Variants in ADCY2 observed in about 807,000 individuals in gnomAD.
ADCY2 encodes adenylate cyclase 2.
Under a neutral mutation model 125.2 loss-of-function variants are expected in ADCY2, and 31 were observed. The ratio of observed to expected loss-of-function variants is 0.25; its 90% CI spans 0.19 to 0.33. The LOEUF (loss-of-function observed/expected upper bound fraction) is 0.33. ADCY2 is among the 10% of genes least tolerant of loss of function. The pLI is 1.00. For synonymous variants in ADCY2, 512 were observed against 548.4 expected (o/e 0.93, Z 0.93); for missense variants, 904 against 1,418.2 (o/e 0.64, Z 5.82).
intron 3 of ADCY2, among the ~76,000 whole-genome samples, chr5:7,621,704 A>G (rs1215211347): frequency 6.6e-6 from 1 of 152,216 alleles, no homozygotes; most frequent in Non-Finnish European, 1.5e-5. Context: ...TTATGAAAGG[A>G]GCAAAATAAT....
intron 3 of ADCY2, among the ~76,000 whole-genome samples, chr5:7,540,762 T>C (rs1326431152): frequency 1.3e-5 from 2 of 152,200 alleles, no homozygotes; most frequent in African/African-American, 4.8e-5. Context: ...ATAAGACTGC[T>C]CTTTATTTCA....
At position 7,755,417 on chromosome 5, in the gene ADCY2, A is replaced by C. The variant is rs562670177; in HGVS notation, c.1957-2032A>C. 1.7e-4 allele frequency among the ~76,000 whole-genome samples: 26 copies of C among 150,620 alleles called. 1 individual carries two copies. The highest frequency in any genetic ancestry group is 1.2e-3 in the Admixed American group (18 of 15,184). On this transcript the variant is annotated intron_variant, in intron 15 of 24. Transcript: ENST00000338316. Reference sequence around the variant, plus strand: ...GGAGCTGGAAGGAAGAAAAAAAAAAACATGGTGGAAAGGAGTAGAGAGGAG... The same window carrying C: ...GGAGCTGGAAGGAAGAAAAAAAAAACCATGGTGGAAAGGAGTAGAGAGGAG...
rs10590625 is a variant in ADCY2, at chr5:7,567,929, T to TTCTCTCTC, written c.570+47056_570+47063dup. 3.5e-3 allele frequency among the ~76,000 whole-genome samples: 506 copies of TTCTCTCTC among 146,564 alleles called. 2 individuals are homozygous for TTCTCTCTC. Among genetic ancestry groups the TTCTCTCTC allele is most frequent in the African/African-American group, 0.012 (482 of 40,126 alleles). On this transcript the variant is annotated intron_variant, in intron 3 of 24. Transcript: ENST00000338316. ...AACAAAGTGCTCTGTCGTCCTCTCTTTCTCTCTCTCTCTCTCTCTCTCTCT... is the reference window on the plus strand; with the variant it reads ...AACAAAGTGCTCTGTCGTCCTCTCTTTCTCTCTCTCTCTCTCTCTCTCTCTCTCTCTCT...
intron 2 of ADCY2, among the ~76,000 whole-genome samples, chr5:7,462,373 T>C (rs1262168652): frequency 6.6e-6 from 1 of 152,220 alleles, no homozygotes; most frequent in Non-Finnish European, 1.5e-5. Flanking sequence ...CGCCACTGAT[T>C]GATAATAACT....
At chr5:7,705,924 T>G (rs775680445) in intron 7 of ADCY2, among the ~76,000 whole-genome samples, 1 of 152,222 alleles carries the variant, frequency 6.6e-6, no homozygotes, top group Non-Finnish European at 1.5e-5. Flanking sequence ...GAGATGTTAA[T>G]GATTCATTTC....
intron 3 of ADCY2, among the ~76,000 whole-genome samples, chr5:7,571,266 C>T (rs1736057514): frequency 6.6e-6 from 1 of 152,036 alleles, no homozygotes; most frequent in African/African-American, 2.4e-5. Context: ...AGCCAGTGGT[C>T]CAATTTGGTC....
At chr5:7,676,157 C>A (rs1740120516) in intron 4 of ADCY2, among the ~76,000 whole-genome samples, 1 of 152,146 alleles carries the variant, frequency 6.6e-6, no homozygotes, top group Non-Finnish European at 1.5e-5. Flanking sequence ...ATCCAAGTTG[C>A]ATAAAAAGCC....
chr5:7,733,728 A>G (rs1742171733), intron 14 of ADCY2, among the ~76,000 whole-genome samples: 1 of 152,142 alleles, frequency 6.6e-6, no homozygotes, highest in Non-Finnish European at 1.5e-5. Context: ...AGCTCCCCCA[A>G]GTAGAGGGTA....
At chr5:7,666,668 C>A (rs186422642) in intron 4 of ADCY2, among the ~76,000 whole-genome samples, 1 of 152,296 alleles carries the variant, frequency 6.6e-6, no homozygotes, top group Admixed American at 6.5e-5. Context: ...GGGACTTCAG[C>A]CCCCATTATC....
chr5:7,474,047 A>G (rs933140666), intron 2 of ADCY2, among the ~76,000 whole-genome samples: 1 of 152,198 alleles, frequency 6.6e-6, no homozygotes, highest in South Asian at 2.1e-4. Context: ...ATTTTAGGCC[A>G]GTTCATTGCT....
At chr5:7,635,127 G>A (rs940289533) in intron 4 of ADCY2, among the ~76,000 whole-genome samples, 11 of 152,170 alleles carry the variant, frequency 7.2e-5, no homozygotes, top group African/African-American at 2.7e-4. Flanking sequence ...CAGACTACAC[G>A]CTGGGCCTTG....
At chr5:7,723,125 A>C (rs980390308) in intron 12 of ADCY2, among the ~76,000 whole-genome samples, 7 of 151,818 alleles carry the variant, frequency 4.6e-5, no homozygotes, top group African/African-American at 1.7e-4. Context: ...GAGGACAATG[A>C]CACACGCTGG....
At chr5:7,603,775 GCTCT>G (rs1331852647) in intron 3 of ADCY2, among the ~76,000 whole-genome samples, 25 of 59,180 alleles carry the variant, frequency 4.2e-4, no homozygotes, top group Non-Finnish European at 8.1e-4. Context: ...CTGGGGTAAT[GCTCT>G]CTTTCTTTTT....
chr5:7,825,306 G>A (rs149431450), intron 24 of ADCY2, among the ~76,000 whole-genome samples: 276 of 151,878 alleles, frequency 1.8e-3, no homozygotes, highest in Non-Finnish European at 3.0e-3. Flanking sequence ...GCTGCTGTGC[G>A]CCATAAAACT....
At chr5:7,506,325 T>C (rs1340492851) in intron 2 of ADCY2, among the ~76,000 whole-genome samples, 2 of 152,206 alleles carry the variant, frequency 1.3e-5, no homozygotes, top group Non-Finnish European at 2.9e-5. Context: ...TAGATGTTTT[T>C]ATATATAGGC....
rs1052346764 is a variant in ADCY2 at position 7,802,516 on chromosome 5, A to T, written c.2775+152A>T. 5 of 849,824 alleles carry T rather than the reference A, an allele frequency of 5.9e-6. No individual in the cohort carries two copies. Among genetic ancestry groups the T allele is most frequent in the Admixed American group, 3.1e-5 (1 of 31,850 alleles). 52.6% of individuals were successfully genotyped at this position (849,824 alleles called of 1,614,324 possible). A position where few individuals can be genotyped will look rare whatever the true frequency, so the allele number is the denominator to read the frequency against. ...GGCATTAAAGCCTTTTGCTTTATTTAGGTCTCTGACTAATTTAAGGTAGAC... is the reference window on the plus strand; with the variant it reads ...GGCATTAAAGCCTTTTGCTTTATTTTGGTCTCTGACTAATTTAAGGTAGAC... On this transcript the variant is annotated intron_variant, in intron 21 of 24. Coordinates refer to ENST00000338316, the MANE Select transcript of ADCY2 (RefSeq NM_020546.3). This position sits in a 1 kb window ranked among gnomAD's most constrained non-coding sequence, Gnocchi z 4.6.
intron 3 of ADCY2, among the ~76,000 whole-genome samples, chr5:7,570,728 T>A (rs1369170016): frequency 6.6e-6 from 1 of 152,160 alleles, no homozygotes; most frequent in African/African-American, 2.4e-5. Context: ...CCTTCAAGAA[T>A]GTGGCTTCTA....
chr5:7,755,470 T>G (rs1289896706), intron 15 of ADCY2, among the ~76,000 whole-genome samples: 3 of 151,880 alleles, frequency 2.0e-5, no homozygotes, highest in Non-Finnish European at 4.4e-5. Flanking sequence ...TACATAGATA[T>G]AAAGGAAATA....
chr5:7,803,971 G>A (rs1016079721), intron 21 of ADCY2, among the ~76,000 whole-genome samples: 14 of 145,484 alleles, frequency 9.6e-5, no homozygotes, highest in South Asian at 2.2e-4. Context: ...CATGTATATC[G>A]TATGGCTCCT....
Sources: allele counts gnomAD v4.1 joint callset (sites outside exome capture counted in the v4.1 genomes callset), GRCh38; gene constraint gnomAD v4.1.1; non-coding constraint Gnocchi (gnomAD v3.1); transcripts MANE v1.5; gene names NCBI Gene and HGNC (gene_info 2026-07-23, HGNC 2026-07-21).